COL22A1: variants seen among roughly 807,000 people sequenced by gnomAD.
COL22A1 encodes the protein collagen alpha-1(XXII) chain.
COL22A1 carries 221 observed loss-of-function variants against 248.9 expected under a neutral mutation model. The observed-to-expected ratio is 0.89, with a 90% confidence interval of 0.80 to 0.99. The LOEUF (loss-of-function observed/expected upper bound fraction) is 0.99, where lower values mean the gene tolerates loss of function less well. COL22A1 is among the 50% of genes least tolerant of loss of function. The pLI is 0.00. For missense variants in COL22A1, 2,240 were observed against 2,179.0 expected (o/e 1.03, Z -0.56); for synonymous variants, 891 against 793.4 (o/e 1.12, Z -2.07).
intron 3 of COL22A1, among the ~76,000 whole-genome samples, chr8:138,871,451 C>A (rs985177383): frequency 6.6e-6 from 1 of 152,188 alleles, no homozygotes; most frequent in African/African-American, 2.4e-5. Context: ...TGTTTCACAC[C>A]ATTCCAAGAT....
chr8:138,784,351 G>A (rs565113447), intron 12 of COL22A1, among the ~76,000 whole-genome samples: 5 of 152,188 alleles, frequency 3.3e-5, no homozygotes, highest in Admixed American at 6.5e-5. Flanking sequence ...TGGGAAAAGT[G>A]GGGGCCACTG....
chr8:138,769,522 C>T (rs1163288391), intron 16 of COL22A1, among the ~76,000 whole-genome samples: 4 of 152,112 alleles, frequency 2.6e-5, no homozygotes, highest in Non-Finnish European at 5.9e-5. Flanking sequence ...GGGACTTCCA[C>T]CCAAAGGGCT....
intron 30 of COL22A1, among the ~76,000 whole-genome samples, chr8:138,710,616 T>TATATAG (rs1828883072): frequency 6.6e-6 from 1 of 150,954 alleles, no homozygotes; most frequent in Non-Finnish European, 1.5e-5. Flanking sequence ...TCTATATATA[T>TATATAG]ATATCTCCAT....
intron 6 of COL22A1, 151 bp from the exon 7 acceptor site, chr8:138,821,562 G>T: frequency 1.3e-6 from 1 of 749,696 alleles, no homozygotes; most frequent in East Asian, 2.5e-5. Flanking sequence ...CCTGAGCTTG[G>T]ACAAATTCCG....
At chr8:138,748,887 C>G (rs1038136250) in intron 22 of COL22A1, among the ~76,000 whole-genome samples, 10 of 152,198 alleles carry the variant, frequency 6.6e-5, no homozygotes, top group African/African-American at 2.2e-4. Flanking sequence ...TGTGTCCCCA[C>G]CCAAATCTCA....
At position 138,894,871 on chromosome 8, in the gene COL22A1, G is replaced by A. The variant is rs116137544; in HGVS notation, c.-72-11627C>T. Among the ~76,000 whole-genome samples the A allele has an allele frequency of 7.2e-3, 1,100 of 152,056 alleles. 16 individuals are homozygous for A. The highest frequency in any genetic ancestry group is 0.026 in the African/African-American group (1,061 of 41,480). Reference sequence around the variant, plus strand: ...TTTATGGTAAAGAGTATTGTATGGTGTATTTTTACCTTAAAAAACAAACAA... The same window carrying A: ...TTTATGGTAAAGAGTATTGTATGGTATATTTTTACCTTAAAAAACAAACAA... On this transcript the variant is annotated intron_variant, in intron 1 of 64. Transcript: ENST00000303045.
At chr8:138,895,656 G>T (rs1825357542) in intron 1 of COL22A1, among the ~76,000 whole-genome samples, 1 of 152,142 alleles carries the variant, frequency 6.6e-6, no homozygotes, top group Admixed American at 6.6e-5. Flanking sequence ...AAAGTGAGCA[G>T]AGCCTCAGAA....
chr8:138,809,989 C>T (rs138947478), intron 9 of COL22A1, among the ~76,000 whole-genome samples: 7 of 152,002 alleles, frequency 4.6e-5, no homozygotes, highest in East Asian at 1.9e-4. Flanking sequence ...ATGGAAGTAA[C>T]GATAAGGAGA....
intron 30 of COL22A1, among the ~76,000 whole-genome samples, chr8:138,709,759 A>G (rs1408848167): frequency 1.3e-5 from 2 of 152,230 alleles, no homozygotes; most frequent in African/African-American, 4.8e-5. Flanking sequence ...CATCTTGTGC[A>G]CATGTACCCT....
chr8:138,865,653 G>T (rs995201996), intron 3 of COL22A1, among the ~76,000 whole-genome samples: 1 of 146,502 alleles, frequency 6.8e-6, no homozygotes, highest in Non-Finnish European at 1.6e-5. Context: ...GCTGGTGTGT[G>T]AGTGTGTGTA....
At chr8:138,613,447 T>G (rs992384097) in intron 56 of COL22A1, among the ~76,000 whole-genome samples, 1 of 152,110 alleles carries the variant, frequency 6.6e-6, no homozygotes, top group African/African-American at 2.4e-5. Context: ...ACCCTGTTGG[T>G]GTGCATGTCA....
chr8:138,833,151 C>T lies in COL22A1; in HGVS notation c.734-1G>A. 6.2e-7 allele frequency: 1 copy of T among 1,601,416 alleles called. No individual in the cohort carries two copies. Among genetic ancestry groups the T allele is most frequent in the Non-Finnish European group, 8.6e-7 (1 of 1,168,330 alleles). On this transcript the variant is annotated splice_acceptor_variant, in intron 4 of 64. Transcript: ENST00000303045. LOFTEE classifies it high-confidence loss of function. ...CTGAACAAATCCATCAGGTCAAAAC[C>T]TGTACAAAGAGAAGAGCTGGGAGTG...
chr8:138,873,166 C>T (rs955396269), intron 3 of COL22A1, among the ~76,000 whole-genome samples: 43 of 152,204 alleles, frequency 2.8e-4, no homozygotes, highest in Non-Finnish European at 4.0e-4. Context: ...CCACTCAGCC[C>T]CTATGTGCCT....
At chr8:138,688,245 G>A (rs1420416373) in intron 37 of COL22A1, among the ~76,000 whole-genome samples, 3 of 151,434 alleles carry the variant, frequency 2.0e-5, no homozygotes, top group Non-Finnish European at 4.4e-5. Context: ...CTCAGGCTGG[G>A]TTCAGTGGCT....
chr8:138,696,557 C>A (rs553220829), intron 32 of COL22A1, among the ~76,000 whole-genome samples: 1 of 152,176 alleles, frequency 6.6e-6, no homozygotes, highest in African/African-American at 2.4e-5. Flanking sequence ...ATGTTAGAGG[C>A]CTTGCAGCCA....
chr8:138,621,804 A>C (rs1358880425), intron 52 of COL22A1, among the ~76,000 whole-genome samples: 3 of 152,206 alleles, frequency 2.0e-5, no homozygotes, highest in Non-Finnish European at 2.9e-5. Context: ...GCACACACGC[A>C]GTTGCTGTCA....
chr8:138,778,251 C>G (rs2131510222), intron 15 of COL22A1, 102 bp downstream of exon 15: 1 of 1,287,658 alleles, frequency 7.8e-7, no homozygotes, highest in South Asian at 1.2e-5. Flanking sequence ...TAAGGCAAAA[C>G]AGCATTACTG....
At chr8:138,907,793 G>C (rs1327790511) in intron 1 of COL22A1, among the ~76,000 whole-genome samples, 2 of 152,194 alleles carry the variant, frequency 1.3e-5, no homozygotes, top group African/African-American at 4.8e-5. Flanking sequence ...GTAAAACAGA[G>C]AGAGGACCCA....
chr8:138,656,389 T>A (rs1235160130), intron 44 of COL22A1, among the ~76,000 whole-genome samples: 1 of 152,236 alleles, frequency 6.6e-6, no homozygotes, highest in Non-Finnish European at 1.5e-5. Context: ...TAAGCCAATG[T>A]CTTCAGCTCT....
Sources: allele counts gnomAD v4.1 joint callset (sites outside exome capture counted in the v4.1 genomes callset), GRCh38; gene constraint gnomAD v4.1.1; transcripts MANE v1.5; gene names NCBI Gene and HGNC (gene_info 2026-07-23, HGNC 2026-07-21).